Variants in OCA2 observed in about 807,000 individuals in gnomAD.
OCA2 encodes P protein.
Under a neutral mutation model 100.2 loss-of-function variants are expected in OCA2, and 77 were observed. That is an observed-to-expected ratio of 0.77 (90% confidence interval 0.64 to 0.93). OCA2 has a LOEUF of 0.93. Among genes scored for constraint, OCA2 ranks in the 40% least tolerant of loss-of-function variants. The probability of loss-of-function intolerance (pLI) is 0.00; values close to 1 mark genes in which losing one functional copy is unlikely to be tolerated. For missense variants in OCA2, 1,062 were observed against 1,089.1 expected (o/e 0.98, Z 0.35); for synonymous variants, 432 against 439.2 (o/e 0.98, Z 0.21).
chr15:27,809,278 T>G (rs2033982861), intron 23 of OCA2, among the ~76,000 whole-genome samples: 1 of 152,250 alleles, frequency 6.6e-6, no homozygotes, highest in Admixed American at 6.5e-5. Flanking sequence ...TTAGAGGAAC[T>G]ATTCTAATTT....
At chr15:27,954,159 A>C (rs4778211) in intron 17 of OCA2, among the ~76,000 whole-genome samples, 1,703 of 55,060 alleles carry the variant, frequency 0.031, 40 homozygotes, top group African/African-American at 0.047. Context: ...ACACACACAC[A>C]CCTAGGGTCA....
intron 19 of OCA2, among the ~76,000 whole-genome samples, chr15:27,920,206 C>T (rs1322440227): frequency 6.6e-6 from 1 of 151,956 alleles, no homozygotes; most frequent in Non-Finnish European, 1.5e-5. Flanking sequence ...ATGCTGTCTA[C>T]AAGAGCTTAC....
chr15:28,022,576 G>GT lies in OCA2; in HGVS notation c.574-4dup, dbSNP rs1360214772. 4 of 1,611,506 alleles carry GT rather than the reference G, an allele frequency of 2.5e-6. No individual in the cohort carries two copies. The highest frequency in any genetic ancestry group is 3.4e-6 in the Non-Finnish European group (4 of 1,177,678). ...TCCGGATATAGGCTGAACAAAATCT[G>GT]TAACAATCAGAAACGTTGAATGACA... is the stretch of plus-strand genomic sequence containing the variant. On this transcript the variant is annotated splice_polypyrimidine_tract_variant and splice_region_variant and intron_variant, in intron 5 of 23. Transcript: ENST00000354638.
chr15:27,791,569 T>C (rs2033082493), intron 23 of OCA2, among the ~76,000 whole-genome samples: 1 of 152,250 alleles, frequency 6.6e-6, no homozygotes, highest in South Asian at 2.1e-4. Context: ...CGTGTCTTAG[T>C]TGTGCTGCTA....
intron 1 of OCA2, among the ~76,000 whole-genome samples, chr15:28,083,523 G>T (rs1210849521): frequency 6.6e-6 from 1 of 152,068 alleles, no homozygotes; most frequent in Non-Finnish European, 1.5e-5. Context: ...TCCACTACCT[G>T]GTAAGAACAA....
intron 4 of OCA2, among the ~76,000 whole-genome samples, chr15:28,027,460 A>G (rs2042787657): frequency 6.6e-6 from 1 of 152,246 alleles, no homozygotes; most frequent in African/African-American, 2.4e-5. Flanking sequence ...CCCACAGCAC[A>G]GAAGGGAACC....
chr15:27,951,951 G>T, intron 17 of OCA2, 59 bp from the exon 18 acceptor site: 2 of 1,148,512 alleles, frequency 1.7e-6, no homozygotes, highest in Non-Finnish European at 2.6e-6. Context: ...CCTGCAGCGT[G>T]TCATAACCTA....
At chr15:27,870,153 C>T (rs1350684288) in intron 21 of OCA2, among the ~76,000 whole-genome samples, 1 of 152,204 alleles carries the variant, frequency 6.6e-6, no homozygotes, top group Non-Finnish European at 1.5e-5. Context: ...GCTGCTCCAG[C>T]CCGGGGGTGC....
intron 23 of OCA2, among the ~76,000 whole-genome samples, chr15:27,771,521 G>A (rs2031864835): frequency 6.6e-6 from 1 of 152,226 alleles, no homozygotes; most frequent in Non-Finnish European, 1.5e-5. Context: ...GTCCAGCTGA[G>A]GTGGCTGCAG....
intron 23 of OCA2, among the ~76,000 whole-genome samples, chr15:27,815,739 G>C (rs2034272299): frequency 6.6e-6 from 1 of 152,224 alleles, no homozygotes; most frequent in African/African-American, 2.4e-5. Context: ...GACACGCACT[G>C]CCTTCAGGCT....
intron 23 of OCA2, among the ~76,000 whole-genome samples, chr15:27,787,127 G>A (rs534353213): frequency 1.3e-5 from 2 of 152,182 alleles, no homozygotes; most frequent in South Asian, 2.1e-4. Context: ...TTGCATTACC[G>A]TTAAAAATCT....
At chr15:28,041,317 T>C (rs1304432789) in intron 2 of OCA2, among the ~76,000 whole-genome samples, 11 of 107,188 alleles carry the variant, frequency 1.0e-4, no homozygotes, top group Admixed American at 9.2e-4. Context: ...CACCCTTTCA[T>C]GATTAAAAAA....
At chr15:28,095,363 A>G (rs1310823402) in intron 1 of OCA2, among the ~76,000 whole-genome samples, 3 of 152,142 alleles carry the variant, frequency 2.0e-5, no homozygotes, top group Non-Finnish European at 4.4e-5. Flanking sequence ...CAGGCGCCGC[A>G]CGCCGACTTC....
intron 23 of OCA2, among the ~76,000 whole-genome samples, chr15:27,766,843 G>A (rs562184451): frequency 4.6e-5 from 7 of 152,298 alleles, no homozygotes; most frequent in African/African-American, 1.7e-4. Context: ...GCCAAATAGA[G>A]GTTGCTAGGT....
intron 14 of OCA2, among the ~76,000 whole-genome samples, chr15:27,979,738 C>T (rs1304962582): frequency 6.7e-6 from 1 of 149,258 alleles, no homozygotes; most frequent in African/African-American, 2.5e-5. Context: ...CTCACTCTTT[C>T]ACCCAGGCTG....
chr15:28,007,100 T>G (rs985580350), intron 9 of OCA2, among the ~76,000 whole-genome samples: 1 of 152,184 alleles, frequency 6.6e-6, no homozygotes. Context: ...TTTGCTACAA[T>G]TACATAAAGT....
At chr15:27,944,916 A>G (rs1391714020) in intron 18 of OCA2, among the ~76,000 whole-genome samples, 3 of 152,216 alleles carry the variant, frequency 2.0e-5, no homozygotes, top group Admixed American at 6.5e-5. Context: ...GGGCAAGAGG[A>G]ACCCGCTGGA....
intron 23 of OCA2, among the ~76,000 whole-genome samples, chr15:27,822,656 T>C (rs1022867817): frequency 6.6e-6 from 1 of 152,228 alleles, no homozygotes; most frequent in African/African-American, 2.4e-5. Context: ...AAGTTCCGCA[T>C]CTTTTCATAT....
At position 27,880,559 on chromosome 15, in the gene OCA2, AAAG is replaced by A. The variant is rs1230671381; in HGVS notation, c.2080-8640_2080-8638del. Among the ~76,000 whole-genome samples the A allele has an allele frequency of 3.3e-5, 5 of 152,156 alleles. No individual in the cohort carries two copies. In the East Asian group the frequency reaches 9.7e-4, roughly 29 times the overall value. ...GAGCAGTGAATTTGTAGTTCTCCTT[AAAG>A]AAGTCCTTCACTTCCCTTGTTAGCT... On this transcript the variant is annotated intron_variant, in intron 19 of 23. Coordinates refer to ENST00000354638, the MANE Select transcript of OCA2 (RefSeq NM_000275.3).
Sources: allele counts gnomAD v4.1 joint callset (sites outside exome capture counted in the v4.1 genomes callset), GRCh38; gene constraint gnomAD v4.1.1; transcripts MANE v1.5; gene names NCBI Gene and HGNC (gene_info 2026-07-23, HGNC 2026-07-21).